Variants in PTPRO observed in about 807,000 individuals in gnomAD.
PTPRO encodes protein tyrosine phosphatase receptor type O.
A neutral mutation model predicts 145.2 loss-of-function variants in PTPRO; 62 were observed. The ratio of observed to expected loss-of-function variants is 0.43; its 90% CI spans 0.35 to 0.53. The LOEUF (loss-of-function observed/expected upper bound fraction) is 0.53, where lower values mean the gene tolerates loss of function less well. PTPRO is among the 20% of genes least tolerant of loss of function. The pLI, the probability that PTPRO is intolerant of heterozygous loss-of-function variation, is 0.01. For synonymous variants in PTPRO, 565 were observed against 514.7 expected (o/e 1.10, Z -1.32); for missense variants, 1,345 against 1,482.7 (o/e 0.91, Z 1.53).
At chr12:15,443,397 T>C (rs1375578070) in intron 1 of PTPRO, among the ~76,000 whole-genome samples, 2 of 152,116 alleles carry the variant, frequency 1.3e-5, no homozygotes, top group African/African-American at 4.8e-5. Flanking sequence ...ATAAGAATTC[T>C]AGAAGAAAAC....
chr12:15,417,671 T>C (rs577949367), intron 1 of PTPRO, among the ~76,000 whole-genome samples: 125 of 151,792 alleles, frequency 8.2e-4, no homozygotes, highest in Admixed American at 3.1e-3. Flanking sequence ...GAGTACGCAT[T>C]AAGTATTGAT....
At chr12:15,481,055 A>C (rs575970008) in intron 1 of PTPRO, among the ~76,000 whole-genome samples, 1 of 152,350 alleles carries the variant, frequency 6.6e-6, no homozygotes, top group Admixed American at 6.5e-5. Flanking sequence ...GTAATGGATA[A>C]GGGAAGGAGC....
intron 1 of PTPRO, among the ~76,000 whole-genome samples, chr12:15,482,177 ATATG>A (rs1485576787): frequency 4.0e-5 from 6 of 151,392 alleles, no homozygotes; most frequent in South Asian, 4.2e-4. Flanking sequence ...GTATATATAT[ATATG>A]TGTGTGTGTG....
intron 1 of PTPRO, among the ~76,000 whole-genome samples, chr12:15,469,773 A>C (rs1416777212): frequency 2.0e-5 from 3 of 148,504 alleles, no homozygotes; most frequent in Admixed American, 6.6e-5. Context: ...CCTGACAAAA[A>C]AAAAAAAAAA....
chr12:15,447,839 C>T (rs752886991), intron 1 of PTPRO, among the ~76,000 whole-genome samples: 10 of 152,110 alleles, frequency 6.6e-5, no homozygotes, highest in Non-Finnish European at 1.0e-4. Flanking sequence ...AGATTGATCA[C>T]GTCAAATTCA....
chr12:15,555,863 C>T (rs1008015844), intron 15 of PTPRO, among the ~76,000 whole-genome samples: 7 of 152,190 alleles, frequency 4.6e-5, no homozygotes, highest in African/African-American at 1.7e-4. Context: ...ATTTAAAAAG[C>T]AAATGTGTTG....
chr12:15,457,501 A>G (rs1285234934), intron 1 of PTPRO, among the ~76,000 whole-genome samples: 1 of 152,156 alleles, frequency 6.6e-6, no homozygotes, highest in East Asian at 1.9e-4. Context: ...ATCATTGCTA[A>G]GGAAGGATTT....
intron 1 of PTPRO, among the ~76,000 whole-genome samples, chr12:15,353,119 T>C (rs1937864238): frequency 6.6e-6 from 1 of 152,178 alleles, no homozygotes; most frequent in Non-Finnish European, 1.5e-5. Context: ...ATTCACCTTA[T>C]AACTCCCATT....
chr12:15,592,154 A>G (rs1390597512), intron 25 of PTPRO, among the ~76,000 whole-genome samples: 2 of 151,948 alleles, frequency 1.3e-5, no homozygotes, highest in Non-Finnish European at 2.9e-5. Context: ...TCCTCTGCTT[A>G]CCATGGTTCA....
chr12:15,552,314 A>G (rs1318372189), intron 15 of PTPRO, among the ~76,000 whole-genome samples: 1 of 152,178 alleles, frequency 6.6e-6, no homozygotes, highest in Non-Finnish European at 1.5e-5. Flanking sequence ...TTATCAGAAT[A>G]ATCTATCAAT....
At chr12:15,328,036 C>A (rs971820457) in intron 1 of PTPRO, among the ~76,000 whole-genome samples, 1 of 151,926 alleles carries the variant, frequency 6.6e-6, no homozygotes, top group Non-Finnish European at 1.5e-5. Context: ...ATCGCTTGAA[C>A]CCAGAAGGCG....
intron 19 of PTPRO, among the ~76,000 whole-genome samples, chr12:15,578,584 C>CTGGGCATGTCTTT (rs1192019170): frequency 1.3e-5 from 2 of 152,148 alleles, no homozygotes; most frequent in African/African-American, 4.8e-5. Context: ...AGCAGCTTCC[C>CTGGGCATGTCTTT]TGGGCATGTC....
intron 6 of PTPRO, among the ~76,000 whole-genome samples, 159 bp from the exon 7 acceptor site, chr12:15,508,412 A>T (rs555080435): frequency 6.6e-6 from 1 of 152,330 alleles, no homozygotes; most frequent in East Asian, 1.9e-4. Context: ...AGAGGGTTGC[A>T]GCTGGGCAGA....
intron 18 of PTPRO, among the ~76,000 whole-genome samples, chr12:15,567,699 C>G (rs1456760874): frequency 6.6e-6 from 1 of 152,130 alleles, no homozygotes; most frequent in African/African-American, 2.4e-5. Flanking sequence ...GGGGTTCATT[C>G]CAGGAGAGGA....
intron 24 of PTPRO, among the ~76,000 whole-genome samples, chr12:15,589,102 G>A (rs1348975181): frequency 2.0e-5 from 3 of 152,166 alleles, no homozygotes; most frequent in Admixed American, 1.3e-4. Flanking sequence ...TGGGCTGGCC[G>A]AGGTGGCTCA....
At chr12:15,381,305 C>T (rs1392284735) in intron 1 of PTPRO, among the ~76,000 whole-genome samples, 2 of 152,118 alleles carry the variant, frequency 1.3e-5, no homozygotes, top group Middle Eastern at 3.2e-3. Flanking sequence ...TAAATTCTTG[C>T]TATTAAGCAT....
chr12:15,393,104 A>G (rs905212928), intron 1 of PTPRO, among the ~76,000 whole-genome samples: 1 of 152,216 alleles, frequency 6.6e-6, no homozygotes. Context: ...GTTTTCTTGC[A>G]TGCAGAGCGA....
At chr12:15,532,606 G>T (rs1479531104) in intron 12 of PTPRO, among the ~76,000 whole-genome samples, 19 of 152,108 alleles carry the variant, frequency 1.2e-4, no homozygotes, top group Admixed American at 1.2e-3. Flanking sequence ...GAGGATCAAG[G>T]GTTGTCTCTT....
chr12:15,472,669 C>T (rs144713546), intron 1 of PTPRO, among the ~76,000 whole-genome samples: 127 of 152,326 alleles, frequency 8.3e-4, no homozygotes, highest in African/African-American at 2.9e-3. Context: ...CTGAACAGTT[C>T]TCTTGTATTG....
Sources: gnomAD v4.1 joint callset for allele counts (sites outside exome capture counted in the v4.1 genomes callset) on GRCh38, gnomAD v4.1.1 for gene constraint, MANE v1.5 for transcripts, NCBI Gene and HGNC (gene_info 2026-07-23, HGNC 2026-07-21) for gene names.